The following GAS6 variants were observed in gnomAD, a reference collection of about 807,000 sequenced individuals.
GAS6 encodes the protein growth arrest specific 6.
In GAS6, 41 loss-of-function variants were observed where a neutral mutation model predicts 75.8. That is an observed-to-expected ratio of 0.54 (90% CI 0.42 to 0.70). The LOEUF is 0.70. GAS6 is among the 30% of genes least tolerant of loss of function. GAS6 has a pLI of 0.00. For synonymous variants in GAS6, 432 were observed against 412.6 expected (o/e 1.05, Z -0.57); for missense variants, 854 against 940.2 (o/e 0.91, Z 1.20).
chr13:113,827,147 A>G lies in GAS6; in HGVS notation c.1326T>C (p.Asp442=), dbSNP rs2051561202. 1 of 1,612,898 alleles carries G rather than the reference A, an allele frequency of 6.2e-7. No individual in the cohort carries two copies. Among genetic ancestry groups the G allele is most frequent in the Non-Finnish European group, 8.5e-7 (1 of 1,179,718 alleles). Residue 442 remains aspartate, a synonymous_variant, in exon 12 of 15, where the codon GAT becomes GAC. Transcript: ENST00000327773. ...GCCAGTTCCAGCTCCTCATGCAGCC[A>G]TCCAGACGAGGGTTTATCTGGAAAG... The part of the protein sequence containing the change: ...DLVQPINPRL[D]GCMRSWNWLN...
Position 113,827,042 on chromosome 13 carries a change from G to A in GAS6, c.1431C>T (p.Gly477=), listed in dbSNP as rs534837538. The A allele has an allele frequency of 1.2e-6, 2 of 1,613,432 alleles. No individual in the cohort carries two copies. Among genetic ancestry groups the A allele is most frequent in the Non-Finnish European group, 1.7e-6 (2 of 1,179,964 alleles). The change falls in exon 12 of 15, where the codon GGC becomes GGT. Residue 477 remains glycine, a synonymous_variant. Transcript: ENST00000327773. ...CGAAGCCGCTCCCGGGGTAGAAAGAGCCTCTCTCCGTCACCGAGAAGCACT... is the reference window on the plus strand; with the variant it reads ...CGAAGCCGCTCCCGGGGTAGAAAGAACCTCTCTCCGTCACCGAGAAGCACT... ...RMQCFSVTER[G]SFYPGSGFAF... is the part of the protein sequence containing the mutation.
At position 113,835,503 on chromosome 13, in the gene GAS6, G is replaced by A. The variant is rs1239388165; in HGVS notation, c.712+10C>T. ...CAGAGAAAGCGAGGGTGACCGCGTGGCGTGGGTACCTCGGCAAGCCTTCTC... is the reference window on the plus strand; with the variant it reads ...CAGAGAAAGCGAGGGTGACCGCGTGACGTGGGTACCTCGGCAAGCCTTCTC... On this transcript the variant is annotated intron_variant, in intron 7 of 14. Coordinates refer to ENST00000327773, the MANE Select transcript of GAS6 (RefSeq NM_000820.4). The A allele has an allele frequency of 6.2e-7, 1 of 1,612,084 alleles. No individual in the cohort carries two copies. Among genetic ancestry groups the A allele is most frequent in the Non-Finnish European group, 8.5e-7 (1 of 1,179,482 alleles).
intron 4 of GAS6, chr13:113,840,649 A>C (rs1043436461): frequency 1.3e-5 from 2 of 152,268 alleles, no homozygotes; most frequent in African/African-American, 4.8e-5. Context: ...CAGTTACGCA[A>C]GCCTGAGCCC....
Position 113,832,899 on chromosome 13 carries a change from G to A in GAS6, c.835-147C>T, listed in dbSNP as rs181855207. On this transcript the variant is annotated intron_variant, in intron 8 of 14. Coordinates refer to ENST00000327773, the MANE Select transcript of GAS6 (RefSeq NM_000820.4). ...GCCTCTAGCTGCTGAGACCCCAGAGGCTGTCACACCTGCCCCACTGGGACT... is the reference window on the plus strand; with the variant it reads ...GCCTCTAGCTGCTGAGACCCCAGAGACTGTCACACCTGCCCCACTGGGACT... The A allele has an allele frequency of 1.1e-5, 17 of 1,532,400 alleles. No homozygotes were observed. In the Admixed American group the frequency reaches 2.9e-4, roughly 26 times the overall value. 94.9% of individuals were successfully genotyped at this position (1,532,400 alleles called of 1,614,324 possible).
intron 4 of GAS6, chr13:113,842,015 T>G (rs1214843077): frequency 7.8e-6 from 1 of 128,726 alleles, no homozygotes; most frequent in East Asian, 2.3e-4. Context: ...ATGCCTCAGT[T>G]TCCTCCATAC....
chr13:113,838,855 G>C (rs528020568), intron 5 of GAS6, among the ~76,000 whole-genome samples: 12 of 152,094 alleles, frequency 7.9e-5, no homozygotes, highest in African/African-American at 2.9e-4. Context: ...CGAGCAGAGA[G>C]AGATCCTAGA....
chr13:113,825,738 G>C (rs887272188), intron 12 of GAS6, among the ~76,000 whole-genome samples: 1 of 152,254 alleles, frequency 6.6e-6, no homozygotes, highest in South Asian at 2.1e-4. Flanking sequence ...GGGAGAACGC[G>C]TGTGCACAGT....
rs1015398996 is a variant in GAS6, at chr13:113,845,758, A to G, written c.343+769T>C. On this transcript the variant is annotated intron_variant, in intron 4 of 14. Transcript: ENST00000327773. The surrounding 1 kb of genome is among the most constrained non-coding windows in gnomAD (Gnocchi z 4.3). ...TACTCATTAGTTAAAAAAAAAAAAA[A>G]AAACCTGAAATGACTGATGTCATTT... 6.7e-6 allele frequency: 1 copy of G among 150,168 alleles called. No homozygotes were observed. Among genetic ancestry groups the G allele is most frequent in the African/African-American group, 2.5e-5 (1 of 39,868 alleles). 9.3% of individuals were successfully genotyped at this position (150,168 alleles called of 1,614,324 possible). A position where few individuals can be genotyped will look rare whatever the true frequency, so the allele number is the denominator to read the frequency against.
In GAS6 at chr13:113,839,840, G is replaced by C; in HGVS notation, c.354C>G (p.Asp118Glu). Residue 118 changes from aspartate (D) to glutamate (E), a missense_variant, in exon 5 of 15, where the codon GAC becomes GAG. Coordinates refer to ENST00000327773, the MANE Select transcript of GAS6 (RefSeq NM_000820.4). The stretch of plus-strand genomic sequence containing the variant: ...TATCGCAGGGGTTGGGCGTGCACTG[G>C]TCAGGCAGGTCTGATTGGGGACACA... Reference protein sequence around the residue: ...GFATCVQNLPDQCTPNPCDRK... With the variant: ...GFATCVQNLPEQCTPNPCDRK... The C allele has an allele frequency of 6.2e-7, 1 of 1,613,870 alleles. No homozygotes were observed. The highest frequency in any genetic ancestry group is 8.5e-7 in the Non-Finnish European group (1 of 1,179,970).
chr13:113,827,542 G>C (rs2051566122), intron 11 of GAS6, among the ~76,000 whole-genome samples: 9 of 141,998 alleles, frequency 6.3e-5, no homozygotes, highest in Admixed American at 6.1e-4. Flanking sequence ...AAACGAGGAG[G>C]GTCCAGCCAG....
chr13:113,852,677 C>G (rs2051885192), intron 2 of GAS6, among the ~76,000 whole-genome samples: 1 of 152,176 alleles, frequency 6.6e-6, no homozygotes, highest in Admixed American at 6.5e-5. Context: ...CGCCCCTGCC[C>G]TGCCCACCAC....
At chr13:113,835,106 T>C (rs1330994411) in intron 7 of GAS6, among the ~76,000 whole-genome samples, 3 of 152,220 alleles carry the variant, frequency 2.0e-5, no homozygotes, top group African/African-American at 7.2e-5. Flanking sequence ...AGCCCCACTG[T>C]TCCCATCACT....
intron 2 of GAS6, among the ~76,000 whole-genome samples, chr13:113,858,836 T>G (rs552344927): frequency 6.9e-6 from 1 of 144,210 alleles, no homozygotes; most frequent in Admixed American, 6.7e-5. Flanking sequence ...TATGTGTACA[T>G]GTCTGTTAGT....
intron 2 of GAS6, among the ~76,000 whole-genome samples, chr13:113,852,648 A>G (rs2051884925): frequency 1.3e-5 from 2 of 152,298 alleles, no homozygotes; most frequent in African/African-American, 2.4e-5. Flanking sequence ...GCAGTGTCAC[A>G]AAGACCCAAG....
intron 4 of GAS6, 188 bp from the exon 5 acceptor site, chr13:113,840,038 G>A (rs1418694555): frequency 1.2e-5 from 9 of 725,168 alleles, no homozygotes; most frequent in African/African-American, 3.6e-5. Context: ...ATAGGCTGGC[G>A]GGCCCTGGGG....
chr13:113,849,839 G>C (rs2051859946), intron 2 of GAS6, among the ~76,000 whole-genome samples: 2 of 152,214 alleles, frequency 1.3e-5, no homozygotes, highest in South Asian at 4.1e-4. Flanking sequence ...TTGATTATTT[G>C]AGACAGTAAT....
chr13:113,835,427 G>A, intron 7 of GAS6, 86 bp downstream of exon 7: 2 of 1,504,986 alleles, frequency 1.3e-6, no homozygotes, highest in Admixed American at 1.8e-5. Context: ...GCACCCGGTT[G>A]TTAGCAACCG....
intron 2 of GAS6, among the ~76,000 whole-genome samples, chr13:113,853,271 A>G (rs1225525385): frequency 2.0e-5 from 3 of 152,156 alleles, no homozygotes; most frequent in Non-Finnish European, 4.4e-5. Flanking sequence ...CTCTGAATAC[A>G]CTTTAACTCC....
chr13:113,838,902 A>G (rs2051746990), intron 5 of GAS6, among the ~76,000 whole-genome samples: 1 of 152,144 alleles, frequency 6.6e-6, no homozygotes, highest in Non-Finnish European at 1.5e-5. Flanking sequence ...GAGGGACCCC[A>G]GGGCTTGGAC....
Sources: gnomAD v4.1 joint callset for allele counts (sites outside exome capture counted in the v4.1 genomes callset) on GRCh38, gnomAD v4.1.1 for gene constraint, Gnocchi (gnomAD v3.1) non-coding constraint, MANE v1.5 for transcripts, NCBI Gene and HGNC (gene_info 2026-07-23, HGNC 2026-07-21) for gene names.